Variants in CDCA2 observed in about 807,000 individuals in gnomAD.
The protein encoded by CDCA2 is cell division cycle-associated protein 2.
CDCA2 carries 44 observed loss-of-function variants against 67.0 expected under a neutral mutation model. The observed-to-expected ratio is 0.66, with a 90% confidence interval of 0.52 to 0.84. The LOEUF (loss-of-function observed/expected upper bound fraction) is 0.84, where lower values mean the gene tolerates loss of function less well. Among genes scored for constraint, CDCA2 ranks in the 40% least tolerant of loss-of-function variants. The probability of loss-of-function intolerance (pLI) is 0.00; values close to 1 mark genes in which losing one functional copy is unlikely to be tolerated. For missense variants in CDCA2, 1,253 were observed against 1,203.2 expected, an observed-to-expected ratio of 1.04 and a Z score of -0.61; for synonymous variants, 447 against 418.7, an observed-to-expected ratio of 1.07 and a Z score of -0.82.
At chr8:25,478,583 C>T (rs185426180) in intron 7 of CDCA2, among the ~76,000 whole-genome samples, 1 of 152,308 alleles carries the variant, frequency 6.6e-6, no homozygotes, top group Non-Finnish European at 1.5e-5. Context: ...TGGCCTGGTT[C>T]TTAACCTTTG....
At position 25,503,528 on chromosome 8, in the gene CDCA2, C is replaced by A. The variant is rs1468157691; in HGVS notation, c.1827C>A (p.Ile609=). 6.2e-7 allele frequency: 1 copy of A among 1,608,932 alleles called. No individual in the cohort carries two copies. Among genetic ancestry groups the A allele is most frequent in the Admixed American group, 1.7e-5 (1 of 58,636 alleles). Residue 609 remains isoleucine, a synonymous_variant, in exon 14 of 15, where the codon ATC becomes ATA. Transcript: ENST00000330560. ...VPEMTPSIPS[I]RRLGSGYFSS... is the part of the protein sequence containing the mutation. ...AGATGACACCTTCCATTCCGAGCAT[C>A]CGAAGACTGGGTTCAGGTATCCTGA...
intron 3 of CDCA2, 66 bp downstream of exon 3, chr8:25,460,620 C>T: frequency 4.6e-6 from 7 of 1,506,686 alleles, no homozygotes; most frequent in Non-Finnish European, 6.3e-6. Flanking sequence ...TATAACTCAG[C>T]TTTATTTGTT....
At chr8:25,479,634 C>T (rs1586490568) in intron 7 of CDCA2, 1 of 447,568 alleles carries the variant, frequency 2.2e-6, no homozygotes, top group East Asian at 4.5e-5. Context: ...TTCATGATAC[C>T]TTCTTTCAAC....
intron 4 of CDCA2, among the ~76,000 whole-genome samples, chr8:25,465,289 C>T (rs1337139967): frequency 6.6e-6 from 1 of 152,090 alleles, no homozygotes; most frequent in African/African-American, 2.4e-5. Flanking sequence ...TGTATGATAT[C>T]TTAAACGGAG....
intron 13 of CDCA2, among the ~76,000 whole-genome samples, chr8:25,498,428 A>G (rs1378473982): frequency 1.3e-3 from 171 of 133,620 alleles, no homozygotes; most frequent in Middle Eastern, 4.5e-3. Context: ...GGCTGGTCTC[A>G]AACCCCTGTC....
chr8:25,489,054 T>C (rs1803899666), intron 13 of CDCA2, among the ~76,000 whole-genome samples: 2 of 152,184 alleles, frequency 1.3e-5, no homozygotes, highest in Admixed American at 6.5e-5. Context: ...GATTCTCTTC[T>C]TCCAGTTGCT....
intron 1 of CDCA2, 36 bp from the exon 2 acceptor site, chr8:25,460,204 T>TG (rs1802624089): frequency 6.2e-7 from 1 of 1,602,006 alleles, no homozygotes; most frequent in Non-Finnish European, 8.6e-7. Context: ...ATCTTGCTGG[T>TG]GGGGTTATTT....
At chr8:25,483,867 T>C in intron 9 of CDCA2, 99 bp from the exon 10 acceptor site, 1 of 1,071,064 alleles carries the variant, frequency 9.3e-7, no homozygotes, top group Non-Finnish European at 1.3e-6. Flanking sequence ...ATACAAATAA[T>C]AGCTGAATAT....
Position 25,507,365 on chromosome 8 carries a change from T to C in CDCA2, c.2699T>C (p.Leu900Ser). ...CGTAGCACGAGGCTACAGAAGGATT[T>C]AGAAAACGAAGGTCTTGTATGGATT... Reference protein sequence around the residue: ...VRRSTRLQKDLENEGLVWISL... With the variant: ...VRRSTRLQKDSENEGLVWISL... Residue 900 changes from leucine (L) to serine (S), a missense_variant, in exon 15 of 15, where the codon TTA (leucine) becomes TCA (serine). Coordinates refer to ENST00000330560, the MANE Select transcript of CDCA2 (RefSeq NM_152562.4). The C allele has an allele frequency of 6.2e-7, 1 of 1,613,324 alleles. No individual in the cohort carries two copies. The highest frequency in any genetic ancestry group is 8.5e-7 in the Non-Finnish European group (1 of 1,179,858).
intron 4 of CDCA2, among the ~76,000 whole-genome samples, chr8:25,464,138 G>T (rs1802808879): frequency 2.0e-5 from 3 of 152,172 alleles, no homozygotes; most frequent in Admixed American, 2.0e-4. Context: ...TCCCTGGCTG[G>T]GTATGGTGGC....
At chr8:25,492,502 G>A (rs1804051295) in intron 13 of CDCA2, among the ~76,000 whole-genome samples, 4 of 151,820 alleles carry the variant, frequency 2.6e-5, no homozygotes, top group Admixed American at 2.6e-4. Context: ...TGTCACATAA[G>A]AAAAAAACGG....
At chr8:25,499,530 C>A (rs1804388689) in intron 13 of CDCA2, among the ~76,000 whole-genome samples, 1 of 151,934 alleles carries the variant, frequency 6.6e-6, no homozygotes, top group Non-Finnish European at 1.5e-5. Context: ...TCTCGAATTC[C>A]TGAGCTCAAG....
At chr8:25,467,129 G>A in intron 5 of CDCA2, among the ~76,000 whole-genome samples, 1 of 142,666 alleles carries the variant, frequency 7.0e-6, no homozygotes, top group Non-Finnish European at 1.5e-5. Context: ...CTCTTAGATT[G>A]TAATTCATTT....
chr8:25,460,010 T>G (rs1157562452), intron 1 of CDCA2, among the ~76,000 whole-genome samples: 1 of 152,222 alleles, frequency 6.6e-6, no homozygotes, highest in East Asian at 1.9e-4. Context: ...CCTCATTTAC[T>G]TTGATTTGAT....
Position 25,484,002 on chromosome 8 carries a change from A to C in CDCA2, c.1157A>C (p.Asn386Thr), listed in dbSNP as rs151072562. Residue 386 changes from asparagine (N) to threonine (T), a missense_variant, in exon 10 of 15, where the codon AAT becomes ACT. By Grantham distance (65) the Asn-to-Thr change is moderately conservative (BLOSUM62 0). Coordinates refer to ENST00000330560, the MANE Select transcript of CDCA2 (RefSeq NM_152562.4). ...AATTTTGAAGCACCTGCCTTTCTAA[A>C]TATGAGGAAGAGGAAGAGAGTTACT... ...EENFEAPAFL[N>T]MRKRKRVTFG... 6.8e-6 allele frequency: 11 copies of C among 1,614,038 alleles called. No homozygotes were observed. In the African/African-American group the frequency reaches 9.3e-5, roughly 14 times the overall value.
chr8:25,461,943 TAGCACA>T, intron 3 of CDCA2, 105 bp from the exon 4 acceptor site: 1 of 1,066,336 alleles, frequency 9.4e-7, no homozygotes, highest in Admixed American at 2.3e-5. Context: ...GAGTTTTTTG[TAGCACA>T]TGTTTATCAT....
chr8:25,493,516 G>T (rs1158821103), intron 13 of CDCA2, among the ~76,000 whole-genome samples: 1 of 152,176 alleles, frequency 6.6e-6, no homozygotes, highest in African/African-American at 2.4e-5. Flanking sequence ...CTTGGGAAAA[G>T]TATTTGCAAC....
chr8:25,479,726 C>G (rs939722316), intron 7 of CDCA2, 187 bp from the exon 8 acceptor site: 3 of 605,092 alleles, frequency 5.0e-6, no homozygotes, highest in Non-Finnish European at 2.9e-6. Flanking sequence ...AAAAACTGAC[C>G]GATGCTGCTT....
chr8:25,479,442 T>A (rs1803480351), intron 7 of CDCA2, among the ~76,000 whole-genome samples: 1 of 152,234 alleles, frequency 6.6e-6, no homozygotes, highest in Non-Finnish European at 1.5e-5. Flanking sequence ...TTGGGGCACA[T>A]ACAGTGTGTT....
Sources: allele counts gnomAD v4.1 joint callset (sites outside exome capture counted in the v4.1 genomes callset), GRCh38; gene constraint gnomAD v4.1.1; transcripts MANE v1.5; gene names NCBI Gene and HGNC (gene_info 2026-07-23, HGNC 2026-07-21).